HDAC2: variants seen among roughly 807,000 people sequenced by gnomAD.
HDAC2 encodes the protein YY1-associated factor 1.
In HDAC2, 5 loss-of-function variants were observed where a neutral mutation model predicts 68.5. The observed-to-expected ratio is 0.07, with a 90% CI of 0.04 to 0.15. The LOEUF is 0.15. HDAC2 is among the 10% of genes least tolerant of loss of function. The pLI, the probability that HDAC2 is intolerant of heterozygous loss-of-function variation, is 1.00. For missense variants in HDAC2, 291 were observed against 600.8 expected (o/e 0.48, Z 5.39); for synonymous variants, 182 against 191.3 (o/e 0.95, Z 0.40).
At chr6:113,953,555 G>T in intron 5 of HDAC2, 137 bp from the exon 6 acceptor site, 1 of 529,354 alleles carries the variant, frequency 1.9e-6, no homozygotes, top group Non-Finnish European at 3.3e-6. Flanking sequence ...AGCCTAAGAG[G>T]TTATTCAAAT....
intron 1 of HDAC2, among the ~76,000 whole-genome samples, chr6:113,969,144 A>G (rs1776910543): frequency 2.0e-5 from 3 of 152,258 alleles, no homozygotes; most frequent in Admixed American, 6.5e-5. Context: ...ATGCAATGTA[A>G]ATCATGTTGA....
intron 3 of HDAC2, chr6:113,958,364 AG>A: frequency 4.2e-6 from 1 of 240,688 alleles, no homozygotes; most frequent in Non-Finnish European, 7.9e-6. Context: ...CGAGGGAGTA[AG>A]GGAGTGAGGT....
chr6:113,943,297 G>T lies in HDAC2; in HGVS notation c.1378+54C>A. ...TCGATAGCATAAACATTATAATGCA[G>T]CCCAATTTTTAAAATTTACAATTAA... is the stretch of plus-strand genomic sequence containing the variant. On this transcript the variant is annotated intron_variant, in intron 12 of 13. Transcript: ENST00000519065. The T allele has an allele frequency of 2.1e-6, 3 of 1,431,996 alleles. No homozygotes were observed. The South Asian group carries it at 3.9e-5, about 19-fold the overall frequency. The allele number at this position is 1,431,996 out of a possible 1,614,324, so 88.7% of individuals were successfully genotyped here.
rs766851610 is a variant in HDAC2, at chr6:113,946,124, A to C, written c.866T>G (p.Val289Gly). The change falls in exon 9 of 14, where the codon GTA (valine) becomes GGA (glycine). Residue 289 changes from valine to glycine, a missense_variant. Val to Gly is a moderately radical substitution (Grantham distance 109, BLOSUM62 -3). Transcript: ENST00000519065. ...CAGTAATGGTAAGTTAAAAGTTTTTACAACTTCTACACATTTAGCATGACC... is the reference window on the plus strand; with the variant it reads ...CAGTAATGGTAAGTTAAAAGTTTTTCCAACTTCTACACATTTAGCATGACC... ...VKGHAKCVEV[V>G]KTFNLPLLML... is the part of the protein sequence containing the mutation. The C allele has an allele frequency of 6.2e-7, 1 of 1,613,554 alleles. No individual in the cohort carries two copies. The highest frequency in any genetic ancestry group is 1.1e-5 in the South Asian group (1 of 91,064).
chr6:113,962,874 G>C lies in HDAC2; in HGVS notation c.53-2856C>G, dbSNP rs1776720655. Among the ~76,000 whole-genome samples, 5 of 148,324 alleles carry C rather than the reference G, an allele frequency of 3.4e-5. No individual in the cohort carries two copies. In the South Asian group the frequency reaches 1.1e-3, roughly 32 times the overall value. On this transcript the variant is annotated intron_variant, in intron 1 of 13. Coordinates refer to ENST00000519065, the MANE Select transcript of HDAC2 (RefSeq NM_001527.4). The stretch of plus-strand genomic sequence containing the variant: ...AGCTGCTCAGGAGGCTGAGGCAGGA[G>C]AATCACTTGAACCCAGGAGGCGGAG...
rs1020906921 is a variant in HDAC2, at chr6:113,938,548, T to C, written c.*2510A>G. 3 of 152,240 alleles carry C rather than the reference T, an allele frequency of 2.0e-5. No individual in the cohort carries two copies. Among genetic ancestry groups the C allele is most frequent in the South Asian group, 2.1e-4 (1 of 4,838 alleles). The allele number at this position is 152,240 out of a possible 1,614,324, so 9.4% of individuals were successfully genotyped here. On this transcript the variant is annotated 3_prime_UTR_variant, in exon 14 of 14. Transcript: ENST00000519065. ...TTTATCTTTTCCTATTTAAATCTTC[T>C]AGTGGAGGGCAGAAAACTGGGTTTT...
chr6:113,949,143 C>T (rs1321365860), intron 7 of HDAC2, 25 bp downstream of exon 7: 44 of 1,604,764 alleles, frequency 2.7e-5, no homozygotes, highest in Non-Finnish European at 3.7e-5. Flanking sequence ...AATTCCATTC[C>T]AATTGTGAAA....
chr6:113,961,597 C>G (rs1776684855), intron 1 of HDAC2, among the ~76,000 whole-genome samples: 1 of 152,106 alleles, frequency 6.6e-6, no homozygotes, highest in South Asian at 2.1e-4. Flanking sequence ...AATAAACTAC[C>G]TATTAAGAAA....
intron 1 of HDAC2, among the ~76,000 whole-genome samples, chr6:113,964,106 T>C (rs959715453): frequency 6.6e-6 from 1 of 152,126 alleles, no homozygotes; most frequent in Non-Finnish European, 1.5e-5. Flanking sequence ...CACAGAGGAA[T>C]AAAGATCATA....
At chr6:113,955,781 G>T (rs1221109424) in intron 5 of HDAC2, 2 of 396,226 alleles carry the variant, frequency 5.0e-6, no homozygotes, top group Non-Finnish European at 8.9e-6. Context: ...AAAGTGGAGG[G>T]ATTACAGGCC....
Position 113,959,862 on chromosome 6 carries a change from A to G in HDAC2, c.165+44T>C, listed in dbSNP as rs746718029. 1.5e-5 allele frequency: 12 copies of G among 827,108 alleles called. No homozygotes were observed. In the Admixed American group the frequency reaches 2.7e-4, roughly 19 times the overall value. The allele number at this position is 827,108 out of a possible 1,614,324, so 51.2% of individuals were successfully genotyped here. A position where few individuals can be genotyped will look rare whatever the true frequency, so the allele number is the denominator to read the frequency against. Reference sequence around the variant, plus strand: ...AAAGTTTCACAGTAGCTAAAAAAAAATAAAAAAGATCAGTGCTGAATATGT... The same window carrying G: ...AAAGTTTCACAGTAGCTAAAAAAAAGTAAAAAAGATCAGTGCTGAATATGT... On this transcript the variant is annotated intron_variant, in intron 2 of 13. Coordinates refer to ENST00000519065, the MANE Select transcript of HDAC2 (RefSeq NM_001527.4).
intron 12 of HDAC2, among the ~76,000 whole-genome samples, chr6:113,942,108 G>A (rs905739970): frequency 1.3e-5 from 2 of 151,886 alleles, no homozygotes; most frequent in African/African-American, 2.4e-5. Context: ...TCACCAAATA[G>A]AGAGTTTATT....
intron 5 of HDAC2, among the ~76,000 whole-genome samples, chr6:113,955,090 ACTAGAAT>A (rs1776517217): frequency 2.6e-5 from 4 of 152,218 alleles, no homozygotes; most frequent in Non-Finnish European, 1.5e-5. Context: ...CATCCAAAAT[ACTAGAAT>A]ATAAACTTCC....
At chr6:113,945,927 C>T in intron 9 of HDAC2, 81 bp downstream of exon 9, 2 of 1,075,864 alleles carry the variant, frequency 1.9e-6, no homozygotes, top group African/African-American at 1.6e-5. Context: ...ATGGGTTTAT[C>T]AGGACCTAAT....
intron 1 of HDAC2, among the ~76,000 whole-genome samples, chr6:113,960,898 CT>C (rs1258387373): frequency 1.3e-5 from 2 of 151,994 alleles, no homozygotes; most frequent in Admixed American, 6.6e-5. Flanking sequence ...CACGTAGAGA[CT>C]TTTTTTCCTT....
intron 1 of HDAC2, among the ~76,000 whole-genome samples, chr6:113,963,004 C>T (rs190234805): frequency 2.0e-4 from 30 of 151,410 alleles, no homozygotes; most frequent in Admixed American, 1.2e-3. Context: ...AATATAAAGG[C>T]GTTATAAAAT....
At position 113,937,546 on chromosome 6, in the gene HDAC2, A is replaced by T. The variant is rs1000636592; in HGVS notation, c.*3512T>A. On this transcript the variant is annotated 3_prime_UTR_variant, in exon 14 of 14. Coordinates refer to ENST00000519065, the MANE Select transcript of HDAC2 (RefSeq NM_001527.4). ...AAACCTGACCTGAGTTTCCTCAAAC[A>T]CTTGACAATAGTTGCTTTCTAAGTC... is the stretch of plus-strand genomic sequence containing the variant. 6.6e-6 allele frequency: 1 copy of T among 152,262 alleles called. No homozygotes were observed. Among genetic ancestry groups the T allele is most frequent in the African/African-American group, 2.4e-5 (1 of 41,460 alleles). The allele number at this position is 152,262 out of a possible 1,614,324, so 9.4% of individuals were successfully genotyped here.
chr6:113,965,859 C>CA (rs1040651697), intron 1 of HDAC2, among the ~76,000 whole-genome samples: 6 of 152,076 alleles, frequency 3.9e-5, no homozygotes, highest in Non-Finnish European at 8.8e-5. Flanking sequence ...ATAACCAGTA[C>CA]AAAAAAATCC....
chr6:113,967,728 AGCT>A (rs1415785753), intron 1 of HDAC2, among the ~76,000 whole-genome samples: 1 of 152,368 alleles, frequency 6.6e-6, no homozygotes, highest in East Asian at 1.9e-4. Flanking sequence ...AACACAGCTT[AGCT>A]GCTAATTATA....
Sources: allele counts gnomAD v4.1 joint callset (sites outside exome capture counted in the v4.1 genomes callset), GRCh38; gene constraint gnomAD v4.1.1; transcripts MANE v1.5; gene names NCBI Gene and HGNC (gene_info 2026-07-23, HGNC 2026-07-21).